The following TOX variants were observed in gnomAD, a reference collection of about 807,000 sequenced individuals.
TOX encodes the protein thymocyte selection associated high mobility group box.
Under a neutral mutation model 53.7 loss-of-function variants are expected in TOX, and 11 were observed. The observed-to-expected ratio is 0.20, with a 90% CI of 0.13 to 0.34. TOX has a LOEUF of 0.34. Ranked by LOEUF, TOX falls within the 10% of genes least tolerant of loss-of-function variation. TOX has a pLI of 1.00. For synonymous variants in TOX, 225 were observed against 245.3 expected, an observed-to-expected ratio of 0.92 and a Z score of 0.77; for missense variants, 570 against 664.6, an observed-to-expected ratio of 0.86 and a Z score of 1.56.
intron 1 of TOX, among the ~76,000 whole-genome samples, chr8:58,967,938 G>C (rs1812933388): frequency 6.6e-6 from 1 of 152,158 alleles, no homozygotes; most frequent in African/African-American, 2.4e-5. Flanking sequence ...GCAATGCTAT[G>C]CTAATCTCAC....
At chr8:58,975,373 C>T (rs1266958080) in intron 1 of TOX, among the ~76,000 whole-genome samples, 1 of 151,892 alleles carries the variant, frequency 6.6e-6, no homozygotes, top group Non-Finnish European at 1.5e-5. Flanking sequence ...AGGTTCTCTT[C>T]TAGAAAAGCA....
At chr8:59,012,244 G>A (rs1229108404) in intron 1 of TOX, among the ~76,000 whole-genome samples, 1 of 152,120 alleles carries the variant, frequency 6.6e-6, no homozygotes, top group Non-Finnish European at 1.5e-5. Flanking sequence ...GAGGACCTTT[G>A]ATTATTAGTT....
At chr8:58,888,342 T>G (rs1346109758) in intron 3 of TOX, among the ~76,000 whole-genome samples, 1 of 151,966 alleles carries the variant, frequency 6.6e-6, no homozygotes, top group African/African-American at 2.4e-5. Flanking sequence ...AGTAATAAAT[T>G]TAACAACAAA....
chr8:58,839,814 A>G (rs1810614036), intron 4 of TOX, among the ~76,000 whole-genome samples: 1 of 152,234 alleles, frequency 6.6e-6, no homozygotes, highest in Non-Finnish European at 1.5e-5. Context: ...TGTGTAAAAT[A>G]ACTGCCACCA....
At chr8:59,021,481 A>AAAAT (rs59174995) in intron 1 of TOX, among the ~76,000 whole-genome samples, 4 of 64,736 alleles carry the variant, frequency 6.2e-5, no homozygotes, top group South Asian at 5.7e-4. Context: ...AAAAAAAAAA[A>AAAAT]ATATATATAT....
chr8:59,036,139 T>C (rs1159523693), intron 1 of TOX, among the ~76,000 whole-genome samples: 2 of 152,130 alleles, frequency 1.3e-5, no homozygotes, highest in Non-Finnish European at 2.9e-5. Flanking sequence ...CAGACTTAGG[T>C]AGTGGGTAGG....
chr8:59,060,260 C>A (rs1323514301), intron 1 of TOX, among the ~76,000 whole-genome samples: 1 of 152,200 alleles, frequency 6.6e-6, no homozygotes, highest in Admixed American at 6.5e-5. Flanking sequence ...TCTACCTCAA[C>A]AGACTTACTT....
chr8:58,863,024 G>A (rs1811037029), intron 3 of TOX, among the ~76,000 whole-genome samples: 1 of 151,924 alleles, frequency 6.6e-6, no homozygotes, highest in Admixed American at 6.6e-5. Flanking sequence ...TTAATAATTT[G>A]AATTATCTAT....
At chr8:59,075,509 G>A (rs1804277045) in intron 1 of TOX, among the ~76,000 whole-genome samples, 1 of 152,140 alleles carries the variant, frequency 6.6e-6, no homozygotes. Context: ...GGTGGCTTGA[G>A]GTCTTCATTT....
chr8:58,958,338 A>G (rs1465814398), intron 2 of TOX, among the ~76,000 whole-genome samples: 2 of 152,202 alleles, frequency 1.3e-5, no homozygotes, highest in Non-Finnish European at 2.9e-5. Flanking sequence ...CCTTTATCCA[A>G]AACTCTTTAA....
At chr8:59,041,599 A>T (rs1803588920) in intron 1 of TOX, among the ~76,000 whole-genome samples, 1 of 152,148 alleles carries the variant, frequency 6.6e-6, no homozygotes, top group Admixed American at 6.5e-5. Context: ...TAGCTTGACC[A>T]CTCACTAGCT....
intron 1 of TOX, among the ~76,000 whole-genome samples, chr8:59,044,895 C>T (rs1036411349): frequency 3.9e-5 from 6 of 152,180 alleles, no homozygotes; most frequent in Admixed American, 1.3e-4. Flanking sequence ...TATGAATAAT[C>T]GGCTACACAC....
chr8:58,826,925 T>A, intron 5 of TOX, 23 bp from the exon 6 acceptor site: 1 of 1,602,084 alleles, frequency 6.2e-7, no homozygotes, highest in Non-Finnish European at 8.5e-7. Flanking sequence ...CAAAGAGTCT[T>A]AAATTAGAAA....
chr8:58,976,020 C>T (rs552149535), intron 1 of TOX, among the ~76,000 whole-genome samples: 18 of 152,062 alleles, frequency 1.2e-4, no homozygotes, highest in African/African-American at 2.7e-4. Context: ...TGCAGTGAGC[C>T]GGGATTGCAC....
intron 3 of TOX, among the ~76,000 whole-genome samples, chr8:58,937,605 A>G (rs1441477333): frequency 1.3e-5 from 2 of 152,224 alleles, no homozygotes; most frequent in African/African-American, 4.8e-5. Flanking sequence ...AGGTGTATTG[A>G]GATGGATGTA....
At chr8:59,018,241 A>G (rs1368458512) in intron 1 of TOX, among the ~76,000 whole-genome samples, 1 of 152,128 alleles carries the variant, frequency 6.6e-6, no homozygotes, top group Non-Finnish European at 1.5e-5. Context: ...CCATCTTCTC[A>G]GGGGCAGACT....
rs531875030 is a variant in TOX, at chr8:58,815,840, C to G, written c.1006-116G>C. The G allele has an allele frequency of 5.7e-5, 64 of 1,124,450 alleles. 2 individuals carry two copies. The South Asian group carries it at 1.0e-3, about 18-fold the overall frequency. 69.7% of individuals were successfully genotyped at this position (1,124,450 alleles called of 1,614,324 possible). A position where few individuals can be genotyped will look rare whatever the true frequency, so the allele number is the denominator to read the frequency against. On this transcript the variant is annotated intron_variant, in intron 6 of 8. Transcript: ENST00000361421. ...CCCTGGAATCCATACCCATGACTATCCCGGACTCTCTGATCTAAGAATTTC... is the reference window on the plus strand; with the variant it reads ...CCCTGGAATCCATACCCATGACTATGCCGGACTCTCTGATCTAAGAATTTC...
At chr8:58,889,252 A>G (rs374318755) in intron 3 of TOX, among the ~76,000 whole-genome samples, 2 of 150,706 alleles carry the variant, frequency 1.3e-5, no homozygotes, top group African/African-American at 4.9e-5. Flanking sequence ...CTGAAAACAA[A>G]ATACCCTTAA....
At chr8:59,082,848 C>G (rs548387809) in intron 1 of TOX, among the ~76,000 whole-genome samples, 1 of 152,212 alleles carries the variant, frequency 6.6e-6, no homozygotes, top group Non-Finnish European at 1.5e-5. Context: ...ATAAATCACA[C>G]AGGAAGCTAT....
Sources: gnomAD v4.1 joint callset for allele counts (sites outside exome capture counted in the v4.1 genomes callset) on GRCh38, gnomAD v4.1.1 for gene constraint, MANE v1.5 for transcripts, NCBI Gene and HGNC (gene_info 2026-07-23, HGNC 2026-07-21) for gene names.